Variants in KIRREL1 observed in about 807,000 individuals in gnomAD.
KIRREL1 encodes the protein kin of IRRE-like protein 1.
Under a neutral mutation model 83.3 loss-of-function variants are expected in KIRREL1, and 25 were observed. The observed-to-expected ratio is 0.30, with a 90% CI of 0.22 to 0.42. The LOEUF (loss-of-function observed/expected upper bound fraction) is 0.42. KIRREL1 is among the 10% of genes least tolerant of loss of function. The pLI is 1.00. For missense variants in KIRREL1, 812 were observed against 1,032.3 expected (o/e 0.79, Z 2.92); for synonymous variants, 388 against 410.4 (o/e 0.95, Z 0.66).
At chr1:158,093,900 C>A in intron 13 of KIRREL1, 138 bp downstream of exon 13, 3 of 879,386 alleles carry the variant, frequency 3.4e-6, no homozygotes, top group Non-Finnish European at 5.3e-6. Flanking sequence ...CACTCTCCCA[C>A]ACTCACACAC....
intron 1 of KIRREL1, among the ~76,000 whole-genome samples, chr1:158,021,376 G>T (rs930825496): frequency 6.6e-6 from 1 of 152,142 alleles, no homozygotes; most frequent in African/African-American, 2.4e-5. Flanking sequence ...CAGTCAGCTG[G>T]TGAAAGTATC....
Position 158,045,615 on chromosome 1 carries a change from C to G in KIRREL1, c.53-30498C>G, listed in dbSNP as rs372703856. Among the ~76,000 whole-genome samples the G allele has an allele frequency of 2.0e-5, 3 of 152,214 alleles. No homozygotes were observed. The East Asian group carries it at 5.8e-4, about 29-fold the overall frequency. On this transcript the variant is annotated intron_variant, in intron 1 of 14. Transcript: ENST00000359209. ...TGTGGAATCAAGACGTTTCACCCAC[C>G]CTGCACATCAATGTGTGTACCAACC...
chr1:158,034,269 CA>C (rs750353894), intron 1 of KIRREL1, among the ~76,000 whole-genome samples: 61 of 113,670 alleles, frequency 5.4e-4, no homozygotes, highest in African/African-American at 1.6e-3. Context: ...GACTCCGTCT[CA>C]AAAAAAAAAA....
intron 1 of KIRREL1, among the ~76,000 whole-genome samples, chr1:158,066,631 T>G (rs757188221): frequency 4.6e-5 from 7 of 152,200 alleles, no homozygotes; most frequent in Non-Finnish European, 7.3e-5. Flanking sequence ...TGTGCTCCTG[T>G]AGGTCAGGGA....
At chr1:157,998,540 A>C (rs1040853121) in intron 1 of KIRREL1, among the ~76,000 whole-genome samples, 1 of 152,364 alleles carries the variant, frequency 6.6e-6, no homozygotes, top group Admixed American at 6.5e-5. Context: ...CAGGTCCATG[A>C]ACTACAAATT....
chr1:158,025,711 G>A (rs75515117), intron 1 of KIRREL1: 228 of 151,546 alleles, frequency 1.5e-3, no homozygotes, highest in Non-Finnish European at 2.4e-3. Context: ...GAGGAAATGG[G>A]AGCAAAGGAG....
intron 2 of KIRREL1, among the ~76,000 whole-genome samples, chr1:158,076,920 G>T (rs1378933511): frequency 6.6e-6 from 1 of 152,194 alleles, no homozygotes; most frequent in African/African-American, 2.4e-5. Context: ...TGGACACCTG[G>T]GTTCTAGTCC....
At chr1:158,067,709 T>A (rs984398740) in intron 1 of KIRREL1, among the ~76,000 whole-genome samples, 5 of 152,244 alleles carry the variant, frequency 3.3e-5, no homozygotes, top group African/African-American at 9.6e-5. Context: ...CTTAGAGTAC[T>A]TCTGTCCCTT....
chr1:158,080,252 C>T (rs1209541641), intron 3 of KIRREL1, among the ~76,000 whole-genome samples: 1 of 152,092 alleles, frequency 6.6e-6, no homozygotes, highest in Non-Finnish European at 1.5e-5. Flanking sequence ...AATGAGTGGA[C>T]CTTGATACTC....
intron 3 of KIRREL1, among the ~76,000 whole-genome samples, chr1:158,081,186 G>T (rs1291220045): frequency 1.0e-5 from 1 of 98,168 alleles, no homozygotes; most frequent in African/African-American, 3.5e-5. Flanking sequence ...CATGACTTCT[G>T]GGTCAGGCAA....
rs112349954 is a variant in KIRREL1 at position 158,034,050 on chromosome 1, G to C, written c.52+40322G>C. 5.7e-3 allele frequency among the ~76,000 whole-genome samples: 859 copies of C among 152,028 alleles called. 2 individuals are homozygous for C. Among genetic ancestry groups the C allele is most frequent in the African/African-American group, 0.012 (515 of 41,494 alleles). On this transcript the variant is annotated intron_variant, in intron 1 of 14. Transcript: ENST00000359209. ...GCACTTTGGGAGGCCGAGGCGGGCG[G>C]ATCACGAGGTCAGGAAATCGAGACC... is the stretch of plus-strand genomic sequence containing the variant.
chr1:158,017,819 C>T (rs1571539801), intron 1 of KIRREL1, among the ~76,000 whole-genome samples: 1 of 151,670 alleles, frequency 6.6e-6, no homozygotes, highest in East Asian at 1.9e-4. Context: ...GCAGCCCTCC[C>T]TCTCAATCTC....
intron 1 of KIRREL1, among the ~76,000 whole-genome samples, chr1:158,071,523 G>A (rs1661515603): frequency 6.6e-6 from 1 of 152,220 alleles, no homozygotes; most frequent in South Asian, 2.1e-4. Context: ...AAACATACGC[G>A]CAGAATCTCA....
intron 1 of KIRREL1, among the ~76,000 whole-genome samples, chr1:158,060,632 G>C (rs1035639826): frequency 6.6e-6 from 1 of 152,076 alleles, no homozygotes; most frequent in Non-Finnish European, 1.5e-5. Flanking sequence ...TCTTGGGCTG[G>C]AGAAATTTCT....
chr1:158,013,206 G>A (rs1198901938), intron 1 of KIRREL1, among the ~76,000 whole-genome samples: 1 of 152,192 alleles, frequency 6.6e-6, no homozygotes, highest in African/African-American at 2.4e-5. Flanking sequence ...TGTTGAGGAT[G>A]AAGTAAAGTA....
chr1:158,002,097 C>T (rs949066627), intron 1 of KIRREL1, among the ~76,000 whole-genome samples: 1 of 152,194 alleles, frequency 6.6e-6, no homozygotes, highest in African/African-American at 2.4e-5. Context: ...AATACCAGCT[C>T]TGCCTTGGGA....
At chr1:158,013,017 A>C (rs958631179) in intron 1 of KIRREL1, among the ~76,000 whole-genome samples, 5 of 152,142 alleles carry the variant, frequency 3.3e-5, no homozygotes, top group African/African-American at 1.2e-4. Flanking sequence ...ACATTTCCAG[A>C]TGTCACCTGG....
chr1:158,047,095 AT>A (rs745884050), intron 1 of KIRREL1, among the ~76,000 whole-genome samples: 3 of 152,164 alleles, frequency 2.0e-5, no homozygotes, highest in Non-Finnish European at 2.9e-5. Flanking sequence ...AGAGAATTAG[AT>A]TCATTTTATG....
At chr1:158,079,551 C>A (rs1043684769) in intron 3 of KIRREL1, among the ~76,000 whole-genome samples, 5 of 152,250 alleles carry the variant, frequency 3.3e-5, no homozygotes, top group African/African-American at 1.2e-4. Flanking sequence ...GAAATCCTTA[C>A]CTCAGGTGAT....
Sources: gnomAD v4.1 joint callset for allele counts (sites outside exome capture counted in the v4.1 genomes callset) on GRCh38, gnomAD v4.1.1 for gene constraint, MANE v1.5 for transcripts, NCBI Gene and HGNC (gene_info 2026-07-23, HGNC 2026-07-21) for gene names.